The following NOX4 variants were observed in gnomAD, a reference collection of about 807,000 sequenced individuals.
The protein encoded by NOX4 is NADPH oxidase 4, also known as kidney oxidase-1.
NOX4 carries 69 observed loss-of-function variants against 87.6 expected under a neutral mutation model. That is an observed-to-expected ratio of 0.79 (90% CI 0.65 to 0.96). NOX4 has a LOEUF of 0.96. Ranked by LOEUF, NOX4 falls within the 40% of genes least tolerant of loss-of-function variation. The pLI is 0.00. For synonymous variants in NOX4, 275 were observed against 238.2 expected (o/e 1.15, Z -1.42); for missense variants, 680 against 681.5 (o/e 1.00, Z 0.02).
the NOX4 span, among the ~76,000 whole-genome samples, chr11:89,530,822 A>T: frequency 6.6e-6 from 1 of 152,194 alleles, no homozygotes; most frequent in Non-Finnish European, 1.5e-5. Context: ...ATGAGAAATA[A>T]ATAAAAGTAA....
intron 7 of NOX4, among the ~76,000 whole-genome samples, chr11:89,430,316 C>A (rs548445326): frequency 2.3e-4 from 35 of 152,268 alleles, no homozygotes; most frequent in Non-Finnish European, 3.1e-4. Flanking sequence ...TCCTCTCTCA[C>A]CCCTCCTATT....
chr11:89,396,437 A>T (rs899715358), intron 11 of NOX4, among the ~76,000 whole-genome samples: 1 of 152,122 alleles, frequency 6.6e-6, no homozygotes, highest in Non-Finnish European at 1.5e-5. Flanking sequence ...ATATACAATC[A>T]TGTTATCTGC....
the NOX4 span, among the ~76,000 whole-genome samples, chr11:89,503,644 T>A: frequency 6.6e-6 from 1 of 151,658 alleles, no homozygotes; most frequent in Non-Finnish European, 1.5e-5. Flanking sequence ...CACTGAACCC[T>A]GGCTCTGCCA....
intron 2 of NOX4, among the ~76,000 whole-genome samples, chr11:89,454,680 AT>A (rs1341167059): frequency 6.6e-6 from 1 of 152,182 alleles, no homozygotes; most frequent in Non-Finnish European, 1.5e-5. Flanking sequence ...CTGGGCATAA[AT>A]AAAAAGCAAA....
At chr11:89,491,402 C>A, upstream of NOX4, 1 of 670,874 alleles carries the variant, frequency 1.5e-6, no homozygotes, top group East Asian at 3.2e-5. Context: ...GGCGCCGAGC[C>A]AGCCCGGGCG....
At chr11:89,409,660 A>G (rs1942371227) in intron 8 of NOX4, among the ~76,000 whole-genome samples, 1 of 152,206 alleles carries the variant, frequency 6.6e-6, no homozygotes, top group South Asian at 2.1e-4. Flanking sequence ...CTTTTTACAT[A>G]AAATTTAAAA....
chr11:89,472,737 C>T (rs1455889947), intron 2 of NOX4, among the ~76,000 whole-genome samples: 1 of 152,190 alleles, frequency 6.6e-6, no homozygotes, highest in Admixed American at 6.6e-5. Flanking sequence ...AGAAAACATT[C>T]ACTTCTAGAC....
Position 89,458,179 on chromosome 11 carries a change from A to G in NOX4, c.154-6284T>C, listed in dbSNP as rs185312562. Reference sequence around the variant, plus strand: ...AATTATACTACAAGACTACAATAACAATATAAATGGTGCTAGGAAAACTGG... The same window carrying G: ...AATTATACTACAAGACTACAATAACGATATAAATGGTGCTAGGAAAACTGG... On this transcript the variant is annotated intron_variant, in intron 2 of 17. Transcript: ENST00000263317. Among the ~76,000 whole-genome samples the G allele has an allele frequency of 2.2e-3, 333 of 152,242 alleles. 4 individuals carry two copies. The highest frequency in any genetic ancestry group is 6.9e-4 in the Non-Finnish European group (47 of 67,966).
chr11:89,418,299 C>T (rs543162868), intron 8 of NOX4, among the ~76,000 whole-genome samples: 1 of 151,642 alleles, frequency 6.6e-6, no homozygotes, highest in Non-Finnish European at 1.5e-5. Flanking sequence ...GCCAGCATAA[C>T]TTAGTGGTTA....
chr11:89,443,474 G>A (rs1002462450), intron 5 of NOX4: 7 of 152,192 alleles, frequency 4.6e-5, no homozygotes, highest in African/African-American at 1.4e-4. Context: ...TGAAGCAAAG[G>A]CAGCCTGAGG....
the NOX4 span, among the ~76,000 whole-genome samples, chr11:89,537,405 T>C: frequency 1.3e-5 from 2 of 151,540 alleles, no homozygotes; most frequent in Admixed American, 1.3e-4. Context: ...TTATGTATAG[T>C]TATATATACA....
At chr11:89,380,614 T>C (rs1377372673) in intron 11 of NOX4, among the ~76,000 whole-genome samples, 2 of 152,176 alleles carry the variant, frequency 1.3e-5, no homozygotes, top group African/African-American at 4.8e-5. Context: ...TCAATAGATT[T>C]ACCCTAAATA....
chr11:89,396,532 T>G (rs1941497808), intron 11 of NOX4, among the ~76,000 whole-genome samples: 1 of 151,930 alleles, frequency 6.6e-6, no homozygotes, highest in Admixed American at 6.6e-5. Flanking sequence ...GCAAATTGGA[T>G]AAAGAGTCAA....
intron 8 of NOX4, among the ~76,000 whole-genome samples, chr11:89,406,544 C>T (rs1235780057): frequency 6.6e-6 from 1 of 152,114 alleles, no homozygotes. Flanking sequence ...ATTTTGGAAT[C>T]TTATTAGTTT....
chr11:89,440,111 T>C (rs1240078187), intron 6 of NOX4, among the ~76,000 whole-genome samples: 2 of 152,224 alleles, frequency 1.3e-5, no homozygotes, highest in African/African-American at 4.8e-5. Flanking sequence ...ATTGTTTTGA[T>C]TGGAAGAATA....
intron 12 of NOX4, among the ~76,000 whole-genome samples, chr11:89,358,450 A>C (rs1938257716): frequency 1.3e-5 from 2 of 150,756 alleles, no homozygotes; most frequent in Admixed American, 1.3e-4. Flanking sequence ...ATAAACAGAA[A>C]GTAAACACAG....
In NOX4 at chr11:89,340,093, A is replaced by T; in HGVS notation, c.1416T>A (p.Phe472Leu). The change falls in exon 15 of 18, where the codon TTT becomes TTA. Residue 472 changes from phenylalanine (F) to leucine (L), a missense_variant. Transcript: ENST00000263317. Reference sequence around the variant, plus strand: ...TATGCAACATACAGAGTAAATCTGCAAACCAACGGAAGGACTGGATATCTC... The same window carrying T: ...TATGCAACATACAGAGTAAATCTGCTAACCAACGGAAGGACTGGATATCTC... ...VCRDIQSFRWFADLLCMLHNK... is the reference protein window; with the variant it reads ...VCRDIQSFRWLADLLCMLHNK... The T allele has an allele frequency of 6.4e-7, 1 of 1,571,660 alleles. No homozygotes were observed. The highest frequency in any genetic ancestry group is 8.6e-7 in the Non-Finnish European group (1 of 1,165,934).
chr11:89,433,478 T>C (rs1323420643), intron 6 of NOX4, among the ~76,000 whole-genome samples: 1 of 152,068 alleles, frequency 6.6e-6, no homozygotes, highest in African/African-American at 2.4e-5. Flanking sequence ...TTAAACACCA[T>C]AGTACTAAAT....
intron 2 of NOX4, among the ~76,000 whole-genome samples, chr11:89,477,888 A>G (rs1168458276): frequency 1.3e-5 from 2 of 152,154 alleles, no homozygotes; most frequent in Non-Finnish European, 1.5e-5. Flanking sequence ...AGAAAATAAT[A>G]TATACTGTCA....
Sources: allele counts gnomAD v4.1 joint callset (sites outside exome capture counted in the v4.1 genomes callset), GRCh38; gene constraint gnomAD v4.1.1; transcripts MANE v1.5; gene names NCBI Gene and HGNC (gene_info 2026-07-23, HGNC 2026-07-21).